Variants in GPC3 observed in about 807,000 individuals in gnomAD.
GPC3 encodes the protein glypican 3.
A neutral mutation model predicts 34.4 loss-of-function variants in GPC3; 3 were observed. The ratio of observed to expected loss-of-function variants is 0.09; its 90% CI spans 0.04 to 0.23. The LOEUF (loss-of-function observed/expected upper bound fraction) is 0.23, where lower values mean the gene tolerates loss of function less well. Among genes scored for constraint, GPC3 ranks in the 10% least tolerant of loss-of-function variants. The pLI is 1.00. For synonymous variants in GPC3, 177 were observed against 174.0 expected (o/e 1.02, Z -0.13); for missense variants, 351 against 445.6 (o/e 0.79, Z 1.91).
intron 2 of GPC3, among the ~76,000 whole-genome samples, chrX:133,878,817 G>A (rs916318296): frequency 9.8e-5 from 11 of 111,742 alleles, no homozygotes; most frequent in African/African-American, 3.2e-4. Flanking sequence ...GAAAAGCCAG[G>A]AAGACATGGT....
rs2267525 is a variant in GPC3, at chrX:133,965,501, C to T, written c.176-12290G>A. 2.5e-4 allele frequency among the ~76,000 whole-genome samples: 28 copies of T among 110,894 alleles called. No homozygotes were observed. In the East Asian group the frequency reaches 7.2e-3, roughly 29 times the overall value. ...AGATTGGAATGATACAACCACAAACCGAAAAATGCCTGGAGCCACCAGAAG... is the reference window on the plus strand; with the variant it reads ...AGATTGGAATGATACAACCACAAACTGAAAAATGCCTGGAGCCACCAGAAG... On this transcript the variant is annotated intron_variant, in intron 1 of 7. Coordinates refer to ENST00000370818, the MANE Select transcript of GPC3 (RefSeq NM_004484.4).
chrX:133,590,827 CAAG>C (rs1231862913), intron 7 of GPC3, among the ~76,000 whole-genome samples: 3 of 111,748 alleles, frequency 2.7e-5, no homozygotes, highest in African/African-American at 9.8e-5. Context: ...TGAAAACTTA[CAAG>C]AAGATGTCCT....
chrX:133,671,976 G>A (rs1191865842), intron 5 of GPC3, among the ~76,000 whole-genome samples: 2 of 112,023 alleles, frequency 1.8e-5, no homozygotes. Context: ...AACTGCATTA[G>A]AATCTGTTTA....
intron 6 of GPC3, among the ~76,000 whole-genome samples, chrX:133,621,004 G>A (rs1410770977): frequency 9.0e-6 from 1 of 111,410 alleles, no homozygotes; most frequent in East Asian, 2.8e-4. Context: ...GATCCCCTGA[G>A]GGCTGTGTCA....
In GPC3 at chrX:133,619,747, A is replaced by AC. The variant is rs753655689; in HGVS notation, c.1414-23149dup. Among the ~76,000 whole-genome samples, 137 of 111,095 alleles carry AC rather than the reference A, an allele frequency of 1.2e-3. 2 individuals carry two copies. In the East Asian group the frequency reaches 0.016, roughly 13 times the overall value. ...TGGAGTTAGAGGTGATGGTTGCAGA[A>AC]CTTGGTCAATATACTAATAACCACT... On this transcript the variant is annotated intron_variant, in intron 6 of 7. Coordinates refer to ENST00000370818, the MANE Select transcript of GPC3 (RefSeq NM_004484.4).
At chrX:133,946,755 T>G (rs1006429132) in intron 2 of GPC3, among the ~76,000 whole-genome samples, 1 of 110,862 alleles carries the variant, frequency 9.0e-6, no homozygotes, top group Non-Finnish European at 1.9e-5. Context: ...TCAAAAGCCA[T>G]CTGCATATGA....
chrX:133,661,001 T>G lies in GPC3; in HGVS notation c.1413+729A>C, dbSNP rs190838755. ...CTGGGCAACATAGTGAGACCTCATC[T>G]CTACAAAAAAATTAAACATTAGCCA... On this transcript the variant is annotated intron_variant, in intron 6 of 7. Transcript: ENST00000370818. 1.8e-4 allele frequency among the ~76,000 whole-genome samples: 20 copies of G among 110,399 alleles called. No individual in the cohort carries two copies. In the East Asian group the frequency reaches 5.2e-3, roughly 28 times the overall value.
At chrX:133,923,244 A>T (rs1229759038) in intron 2 of GPC3, among the ~76,000 whole-genome samples, 1 of 111,722 alleles carries the variant, frequency 9.0e-6, no homozygotes, top group African/African-American at 3.3e-5. Context: ...AGTCAGGGAG[A>T]GGAGACAGGC....
At chrX:133,741,113 C>T (rs531836229) in intron 3 of GPC3, among the ~76,000 whole-genome samples, 6 of 109,597 alleles carry the variant, frequency 5.5e-5, no homozygotes, top group African/African-American at 2.0e-4. Context: ...CTCCTCTTTC[C>T]CCACAGGGTT....
At position 133,538,578 on chromosome X, in the gene GPC3, C is replaced by T. The variant is rs972329416; in HGVS notation, c.1574-2285G>A. Among the ~76,000 whole-genome samples the T allele has an allele frequency of 8.2e-5, 9 of 109,643 alleles. No homozygotes were observed. The East Asian group carries it at 1.7e-3, about 21-fold the overall frequency. On this transcript the variant is annotated intron_variant, in intron 7 of 7. Transcript: ENST00000370818. ...ACAGTTTTGTTTACTGTAGTAGTTA[C>T]GGCAAACCCAGAAGTTTTGTTAAAT...
chrX:133,570,125 T>C (rs1387318044), intron 7 of GPC3, among the ~76,000 whole-genome samples: 2 of 111,353 alleles, frequency 1.8e-5, no homozygotes, highest in East Asian at 5.7e-4. Flanking sequence ...TCTCCTGACC[T>C]CGTGATCCAT....
At chrX:133,794,821 T>C (rs756198008) in intron 2 of GPC3, among the ~76,000 whole-genome samples, 17 of 112,468 alleles carry the variant, frequency 1.5e-4, no homozygotes, top group African/African-American at 5.5e-4. Context: ...ATTTAGTGAG[T>C]AGCAAGGGGA....
chrX:133,738,606 A>G (rs904716319), intron 3 of GPC3, among the ~76,000 whole-genome samples: 1 of 112,145 alleles, frequency 8.9e-6, no homozygotes, highest in Non-Finnish European at 1.9e-5. Flanking sequence ...ATTTAGCATT[A>G]TACTGCACAA....
chrX:133,574,238 T>C (rs949369624), intron 7 of GPC3, among the ~76,000 whole-genome samples: 2 of 111,145 alleles, frequency 1.8e-5, no homozygotes, highest in Non-Finnish European at 3.8e-5. Flanking sequence ...CTAAAATTGA[T>C]TGTGGTAATC....
At chrX:133,683,888 G>T (rs1012111846) in intron 5 of GPC3, among the ~76,000 whole-genome samples, 2 of 111,903 alleles carry the variant, frequency 1.8e-5, no homozygotes, top group African/African-American at 6.5e-5. Context: ...ATAAATCGCT[G>T]CTGAAAAATA....
chrX:133,847,913 A>T (rs1449813248), intron 2 of GPC3, among the ~76,000 whole-genome samples: 1 of 112,414 alleles, frequency 8.9e-6, no homozygotes, highest in African/African-American at 3.2e-5. Context: ...TAGAAGAGAC[A>T]AAAGAACAGC....
chrX:133,879,017 G>A (rs1170490568), intron 2 of GPC3, among the ~76,000 whole-genome samples: 1 of 111,157 alleles, frequency 9.0e-6, no homozygotes, highest in African/African-American at 3.3e-5. Flanking sequence ...GAACATGGTG[G>A]CATATAAGAC....
Position 133,884,532 on chromosome X carries a change from T to C in GPC3, c.337+68518A>G, listed in dbSNP as rs181371466. Among the ~76,000 whole-genome samples the C allele has an allele frequency of 1.1e-4, 12 of 111,635 alleles. No individual in the cohort carries two copies. In the East Asian group the frequency reaches 3.4e-3, roughly 31 times the overall value. On this transcript the variant is annotated intron_variant, in intron 2 of 7. Transcript: ENST00000370818. The stretch of plus-strand genomic sequence containing the variant: ...ACATACTAATCTTATGTAATACTCA[T>C]AGCAACCGTTTGAGATAGTTATTAC...
chrX:133,829,779 A>C (rs1260204039), intron 2 of GPC3, among the ~76,000 whole-genome samples: 1 of 112,057 alleles, frequency 8.9e-6, no homozygotes, highest in Non-Finnish European at 1.9e-5. Flanking sequence ...AAAGTAGACT[A>C]CAGAGCAAAA....
Sources: gnomAD v4.1 joint callset for allele counts (sites outside exome capture counted in the v4.1 genomes callset) on GRCh38, gnomAD v4.1.1 for gene constraint, MANE v1.5 for transcripts, NCBI Gene and HGNC (gene_info 2026-07-23, HGNC 2026-07-21) for gene names.